Variants in RBFOX1 observed in about 807,000 individuals in gnomAD.
RBFOX1 encodes RNA binding protein fox-1 homolog 1.
RBFOX1 carries 8 observed loss-of-function variants against 57.7 expected under a neutral mutation model. The observed-to-expected ratio is 0.14, with a 90% CI of 0.08 to 0.25. The LOEUF (loss-of-function observed/expected upper bound fraction) is 0.25, where lower values mean the gene tolerates loss of function less well. RBFOX1 is among the 10% of genes least tolerant of loss of function. The pLI is 1.00. For synonymous variants in RBFOX1, 326 were observed against 222.4 expected, an observed-to-expected ratio of 1.47 and a Z score of -4.15; for missense variants, 611 against 548.5, an observed-to-expected ratio of 1.11 and a Z score of -1.14.
At chr16:6,034,436 T>C (rs1596543690) in intron 1 of RBFOX1, among the ~76,000 whole-genome samples, 1 of 145,808 alleles carries the variant, frequency 6.9e-6, no homozygotes, top group Non-Finnish European at 1.5e-5. Context: ...ATGATCAAGG[T>C]GTGGCAAGTT....
chr16:6,542,316 G>C (rs1406158094), intron 2 of RBFOX1, among the ~76,000 whole-genome samples: 3 of 151,870 alleles, frequency 2.0e-5, no homozygotes, highest in Non-Finnish European at 2.9e-5. Context: ...TTCTTGAGTA[G>C]CACCTCACAC....
At chr16:5,277,424 ACCTGTTC>A (rs1207389004) in intron 1 of RBFOX1, among the ~76,000 whole-genome samples, 1 of 151,604 alleles carries the variant, frequency 6.6e-6, no homozygotes, top group Non-Finnish European at 1.5e-5. Flanking sequence ...ACAAAATACC[ACCTGTTC>A]CCTAAAAACT....
At chr16:5,351,135 C>G (rs1469336291) in intron 1 of RBFOX1, among the ~76,000 whole-genome samples, 1 of 152,216 alleles carries the variant, frequency 6.6e-6, no homozygotes, top group Admixed American at 6.5e-5. Context: ...CTGATACCCT[C>G]ATTTTGCCCA....
intron 1 of RBFOX1, among the ~76,000 whole-genome samples, chr16:6,279,988 G>T (rs181460912): frequency 6.6e-6 from 1 of 152,138 alleles, no homozygotes. Context: ...TAGGAGCGTG[G>T]ACTGGGGACA....
intron 1 of RBFOX1, among the ~76,000 whole-genome samples, chr16:6,028,105 G>A (rs2152379921): frequency 6.6e-6 from 1 of 152,266 alleles, no homozygotes; most frequent in African/African-American, 2.4e-5. Flanking sequence ...TCTTGATTCT[G>A]GGTCACTGCC....
chr16:6,873,197 T>A (rs2061254717), intron 3 of RBFOX1, among the ~76,000 whole-genome samples: 1 of 150,974 alleles, frequency 6.6e-6, no homozygotes, highest in Non-Finnish European at 1.5e-5. Flanking sequence ...AAACGAGGAG[T>A]AGAGATTTTT....
chr16:7,072,254 G>A (rs545595195), intron 4 of RBFOX1, among the ~76,000 whole-genome samples: 1 of 152,310 alleles, frequency 6.6e-6, no homozygotes, highest in Admixed American at 6.5e-5. Context: ...CTTAGGGCCA[G>A]AATGACCTTT....
At chr16:6,956,953 T>G (rs1469931756) in intron 3 of RBFOX1, among the ~76,000 whole-genome samples, 2 of 152,078 alleles carry the variant, frequency 1.3e-5, no homozygotes, top group Non-Finnish European at 2.9e-5. Flanking sequence ...TTTTTGGATT[T>G]CACACAAGAA....
chr16:5,847,897 T>A (rs2056797857), intron 3 of RBFOX1, among the ~76,000 whole-genome samples: 2 of 152,122 alleles, frequency 1.3e-5, no homozygotes, highest in Admixed American at 6.5e-5. Context: ...AGATTGTCTG[T>A]AATTGTCCAG....
rs372122583 is a variant in RBFOX1, at chr16:5,241,211, C to G, written c.219+1106C>G. On this transcript the variant is annotated intron_variant, in intron 1 of 2. Coordinates refer to the RBFOX1 transcript ENST00000585867. ...CCGGATGCTGTGTGGGAGGCTTGCT[C>G]CTGGTGACATCCTCATCTCCCCGTG... Among the ~76,000 whole-genome samples the G allele has an allele frequency of 6.6e-4, 101 of 152,284 alleles. No homozygotes were observed. In the South Asian group the frequency reaches 0.02, roughly 31 times the overall value.
At chr16:6,425,808 A>G (rs894686498) in intron 2 of RBFOX1, among the ~76,000 whole-genome samples, 11 of 152,178 alleles carry the variant, frequency 7.2e-5, no homozygotes, top group African/African-American at 2.7e-4. Context: ...GAAAGAGTTT[A>G]ATCACCATTA....
intron 2 of RBFOX1, among the ~76,000 whole-genome samples, chr16:6,515,592 C>CTT (rs779839004): frequency 6.6e-6 from 1 of 152,076 alleles, no homozygotes; most frequent in Non-Finnish European, 1.5e-5. Context: ...CTAAAGAAGC[C>CTT]TTTTTATGGA....
intron 1 of RBFOX1, among the ~76,000 whole-genome samples, chr16:5,463,478 G>A (rs1208058113): frequency 2.6e-5 from 4 of 152,114 alleles, no homozygotes; most frequent in East Asian, 1.9e-4. Context: ...GGATCCAAGT[G>A]CTTAAAGATG....
chr16:7,578,940 CAG>C (rs2093542078), intron 5 of RBFOX1, among the ~76,000 whole-genome samples: 1 of 152,100 alleles, frequency 6.6e-6, no homozygotes, highest in Admixed American at 6.6e-5. Flanking sequence ...ATTTGGAAGA[CAG>C]GGGAGGTGAA....
intron 4 of RBFOX1, among the ~76,000 whole-genome samples, chr16:7,489,707 CG>C (rs1265606634): frequency 6.6e-6 from 1 of 150,862 alleles, no homozygotes; most frequent in African/African-American, 2.4e-5. Flanking sequence ...TTGTAGAGAC[CG>C]TTTTTTTTTT....
chr16:7,066,939 A>G (rs1409109942), intron 4 of RBFOX1, among the ~76,000 whole-genome samples: 1 of 152,210 alleles, frequency 6.6e-6, no homozygotes, highest in African/African-American at 2.4e-5. Flanking sequence ...GGTAGTTTAT[A>G]TACCAAACTG....
chr16:7,477,828 G>T (rs561388147), intron 4 of RBFOX1, among the ~76,000 whole-genome samples: 1 of 152,268 alleles, frequency 6.6e-6, no homozygotes, highest in East Asian at 1.9e-4. Flanking sequence ...CTGAGTCTAG[G>T]AAAATCTTCG....
intron 4 of RBFOX1, among the ~76,000 whole-genome samples, chr16:7,493,588 C>A (rs1859315142): frequency 6.6e-6 from 1 of 151,852 alleles, no homozygotes; most frequent in African/African-American, 2.4e-5. Flanking sequence ...GAGTCAGAGT[C>A]AGAGAGGAAG....
intron 5 of RBFOX1, among the ~76,000 whole-genome samples, chr16:7,557,635 A>G (rs2089034010): frequency 7.2e-6 from 1 of 139,778 alleles, no homozygotes; most frequent in African/African-American, 2.6e-5. Context: ...AAAAAAAAAA[A>G]AAAAAAAGAA....
Sources: gnomAD v4.1 joint callset for allele counts (sites outside exome capture counted in the v4.1 genomes callset) on GRCh38, gnomAD v4.1.1 for gene constraint, MANE v1.5 for transcripts, NCBI Gene and HGNC (gene_info 2026-07-23, HGNC 2026-07-21) for gene names.